PTPRD: variants seen among roughly 807,000 people sequenced by gnomAD.
The protein encoded by PTPRD is protein tyrosine phosphatase receptor type D.
In PTPRD, 34 loss-of-function variants were observed where a neutral mutation model predicts 214.5. The observed-to-expected ratio is 0.16, with a 90% confidence interval of 0.12 to 0.21. PTPRD has a LOEUF of 0.21. Ranked by LOEUF, PTPRD falls within the 10% of genes least tolerant of loss-of-function variation. The pLI is 1.00. For synonymous variants in PTPRD, 1,128 were observed against 845.7 expected (o/e 1.33, Z -5.79); for missense variants, 2,545 against 2,398.7 (o/e 1.06, Z -1.27).
chr9:10,186,636 A>G (rs897094316), intron 3 of PTPRD, among the ~76,000 whole-genome samples: 4 of 152,142 alleles, frequency 2.6e-5, no homozygotes, highest in Admixed American at 2.6e-4. Context: ...AGAAAAAAAT[A>G]AAATCACTGA....
At chr9:8,697,702 C>A (rs2097953723) in intron 12 of PTPRD, among the ~76,000 whole-genome samples, 1 of 151,944 alleles carries the variant, frequency 6.6e-6, no homozygotes. Flanking sequence ...GGATTACAGG[C>A]ATGAGCCACC....
chr9:10,051,431 C>CT lies in PTPRD; in HGVS notation c.-544-17642dup, dbSNP rs200098688. On this transcript the variant is annotated intron_variant, in intron 3 of 45. Transcript: ENST00000381196. ...TCCATGATATCTGTGATATTACAAT[C>CT]TTTTTTTTCAGTTTTTTTACATTTT... Among the ~76,000 whole-genome samples, 468 of 151,886 alleles carry CT rather than the reference C, an allele frequency of 3.1e-3. 3 individuals carry two copies. Among genetic ancestry groups the CT allele is most frequent in the Admixed American group, 0.012 (188 of 15,238 alleles).
chr9:9,917,459 A>G (rs1449382132), intron 5 of PTPRD, among the ~76,000 whole-genome samples: 11 of 149,450 alleles, frequency 7.4e-5, no homozygotes, highest in African/African-American at 2.2e-4. Context: ...TCCTAAAAAA[A>G]AAAAAAAAAA....
At chr9:8,504,126 T>G (rs2097485765) in intron 23 of PTPRD, 135 bp downstream of exon 23, 1 of 820,010 alleles carries the variant, frequency 1.2e-6, no homozygotes, top group Non-Finnish European at 1.9e-6. Flanking sequence ...CTTTCACCTG[T>G]GAAGTGTGAT....
chr9:9,776,968 A>G (rs1375127498), intron 5 of PTPRD, among the ~76,000 whole-genome samples: 1 of 152,224 alleles, frequency 6.6e-6, no homozygotes, highest in Non-Finnish European at 1.5e-5. Context: ...TCAATTTTCT[A>G]GTCATTTACT....
intron 39 of PTPRD, among the ~76,000 whole-genome samples, chr9:8,363,162 G>C (rs372638567): frequency 1.3e-5 from 2 of 152,084 alleles, no homozygotes; most frequent in African/African-American, 4.8e-5. Context: ...AAAATTTGGA[G>C]GCTTACCATT....
chr9:8,661,477 T>C (rs1156871870), intron 12 of PTPRD, among the ~76,000 whole-genome samples: 1 of 152,114 alleles, frequency 6.6e-6, no homozygotes, highest in South Asian at 2.1e-4. Context: ...GAAATTTTAA[T>C]GTCTAGGAAC....
intron 8 of PTPRD, among the ~76,000 whole-genome samples, chr9:9,503,231 C>A (rs1057353782): frequency 8.6e-5 from 13 of 151,418 alleles, no homozygotes; most frequent in African/African-American, 2.9e-4. Flanking sequence ...AGTAATGTTA[C>A]CATTGGATTT....
intron 11 of PTPRD, among the ~76,000 whole-genome samples, chr9:8,795,415 A>G (rs1047584362): frequency 2.0e-5 from 3 of 152,050 alleles, no homozygotes; most frequent in African/African-American, 7.2e-5. Context: ...CAATTCGCCC[A>G]CCTCAGCCTC....
At chr9:9,250,766 A>C (rs1264575272) in intron 9 of PTPRD, among the ~76,000 whole-genome samples, 1 of 152,118 alleles carries the variant, frequency 6.6e-6, no homozygotes, top group Non-Finnish European at 1.5e-5. Flanking sequence ...AAACCAAAAA[A>C]GAAATATCAA....
chr9:9,707,398 T>C (rs952919494), intron 7 of PTPRD, among the ~76,000 whole-genome samples: 7 of 152,214 alleles, frequency 4.6e-5, no homozygotes, highest in Non-Finnish European at 5.9e-5. Flanking sequence ...GAGATATATT[T>C]CATTTGTAAT....
chr9:8,871,395 A>G (rs1349746152), intron 11 of PTPRD, among the ~76,000 whole-genome samples: 1 of 152,204 alleles, frequency 6.6e-6, no homozygotes, highest in Non-Finnish European at 1.5e-5. Flanking sequence ...AGAATCAGCT[A>G]CTTAAGATTC....
chr9:10,089,123 C>T (rs558242197), intron 3 of PTPRD, among the ~76,000 whole-genome samples: 4 of 151,304 alleles, frequency 2.6e-5, no homozygotes, highest in African/African-American at 7.3e-5. Flanking sequence ...GGAAGGATTG[C>T]TTAAGCCTAG....
chr9:9,450,986 C>CACAG (rs888328014), intron 8 of PTPRD, among the ~76,000 whole-genome samples: 399 of 150,734 alleles, frequency 2.6e-3, no homozygotes, highest in African/African-American at 9.3e-3. Flanking sequence ...CACACACACA[C>CACAG]AGACACACAG....
intron 7 of PTPRD, among the ~76,000 whole-genome samples, chr9:9,670,678 T>C (rs2096812410): frequency 6.6e-6 from 1 of 152,186 alleles, no homozygotes. Flanking sequence ...CTGCCATGGC[T>C]GAAAGTGGCC....
chr9:9,967,059 A>T (rs374088744), intron 4 of PTPRD, among the ~76,000 whole-genome samples: 17 of 152,258 alleles, frequency 1.1e-4, no homozygotes, highest in African/African-American at 3.8e-4. Context: ...GCATGTCTCC[A>T]ATGGCTGAGA....
chr9:8,513,133 T>C (rs1402826807), intron 21 of PTPRD, among the ~76,000 whole-genome samples: 1 of 152,064 alleles, frequency 6.6e-6, no homozygotes, highest in Non-Finnish European at 1.5e-5. Flanking sequence ...GTTAGAGCTA[T>C]GGAGAACTGA....
At chr9:9,635,802 T>G (rs754792030) in intron 7 of PTPRD, among the ~76,000 whole-genome samples, 4 of 152,082 alleles carry the variant, frequency 2.6e-5, no homozygotes, top group Non-Finnish European at 5.9e-5. Flanking sequence ...TCTTGTCAAG[T>G]TTTCCTTCTA....
At chr9:10,062,371 C>A (rs2097790129) in intron 3 of PTPRD, among the ~76,000 whole-genome samples, 1 of 151,892 alleles carries the variant, frequency 6.6e-6, no homozygotes, top group Non-Finnish European at 1.5e-5. Flanking sequence ...TTTGGGAGGC[C>A]AAGGTGGGAG....
Sources: gnomAD v4.1 joint callset for allele counts (sites outside exome capture counted in the v4.1 genomes callset) on GRCh38, gnomAD v4.1.1 for gene constraint, MANE v1.5 for transcripts, NCBI Gene and HGNC (gene_info 2026-07-23, HGNC 2026-07-21) for gene names.